The following ASTN1 variants were observed in gnomAD, a reference collection of about 807,000 sequenced individuals.
ASTN1 encodes the protein astrotactin-1.
Under a neutral mutation model 140.7 loss-of-function variants are expected in ASTN1, and 41 were observed. That is an observed-to-expected ratio of 0.29 (90% CI 0.23 to 0.38). The LOEUF (loss-of-function observed/expected upper bound fraction) is 0.38, where lower values mean the gene tolerates loss of function less well. Ranked by LOEUF, ASTN1 falls within the 10% of genes least tolerant of loss-of-function variation. ASTN1 has a pLI of 1.00. For synonymous variants in ASTN1, 640 were observed against 652.2 expected (o/e 0.98, Z 0.29); for missense variants, 1,479 against 1,678.8 (o/e 0.88, Z 2.08).
At chr1:176,958,915 G>A (rs1221902453) in intron 9 of ASTN1, among the ~76,000 whole-genome samples, 1 of 152,076 alleles carries the variant, frequency 6.6e-6, no homozygotes, top group African/African-American at 2.4e-5. Flanking sequence ...CCCTAACAAA[G>A]AAAATAAAGA....
intron 16 of ASTN1, among the ~76,000 whole-genome samples, chr1:176,895,478 T>A (rs532387082): frequency 6.6e-5 from 10 of 152,320 alleles, no homozygotes; most frequent in African/African-American, 2.2e-4. Context: ...GGGATTTGAA[T>A]CCACTTTTGT....
At chr1:177,157,181 A>G (rs1683274594) in intron 1 of ASTN1, among the ~76,000 whole-genome samples, 1 of 152,244 alleles carries the variant, frequency 6.6e-6, no homozygotes, top group Non-Finnish European at 1.5e-5. Flanking sequence ...TTCAATTGTA[A>G]CAAATGTATC....
intron 1 of ASTN1, among the ~76,000 whole-genome samples, chr1:177,068,014 T>C (rs957487372): frequency 3.3e-5 from 5 of 152,192 alleles, no homozygotes; most frequent in African/African-American, 1.2e-4. Flanking sequence ...CAGGACACCC[T>C]GCTCGGCCTG....
intron 15 of ASTN1, 62 bp from the exon 16 acceptor site, chr1:176,934,402 C>T (rs1557971319): frequency 6.8e-7 from 1 of 1,474,208 alleles, no homozygotes; most frequent in South Asian, 1.3e-5. Context: ...TACGGATTCC[C>T]AGGCAATTCA....
At chr1:176,892,192 T>C (rs34875026) in intron 17 of ASTN1, among the ~76,000 whole-genome samples, 1 of 152,114 alleles carries the variant, frequency 6.6e-6, no homozygotes, top group Non-Finnish European at 1.5e-5. Context: ...CTGAGGACAT[T>C]AGATTGTATT....
rs1671948013 is a variant in ASTN1, at chr1:176,946,084, G to C, written c.2091C>G (p.Arg697=). ...AGGTCTCCGTGATGAGTTGGCAAGA[G>C]CGTCCATCCACACCAAGCTTGTAGT... ...IEDYKLGVDG[R]SCQLITETCP... is the part of the protein sequence containing the mutation. Residue 697 remains arginine, a synonymous_variant, in exon 13 of 23, where the codon CGC becomes CGG. Coordinates refer to ENST00000361833, the MANE Select transcript of ASTN1 (RefSeq NM_004319.3). 6.2e-7 allele frequency: 1 copy of C among 1,613,466 alleles called. No individual in the cohort carries two copies. Among genetic ancestry groups the C allele is most frequent in the African/African-American group, 1.3e-5 (1 of 75,046 alleles).
chr1:176,974,862 ACT>A (rs1259125375), intron 8 of ASTN1, among the ~76,000 whole-genome samples: 1 of 152,208 alleles, frequency 6.6e-6, no homozygotes, highest in Non-Finnish European at 1.5e-5. Flanking sequence ...TCACACTTGA[ACT>A]TTTTGTCATC....
At chr1:177,037,740 A>AT (rs1286102444) in intron 2 of ASTN1, among the ~76,000 whole-genome samples, 2 of 152,120 alleles carry the variant, frequency 1.3e-5, no homozygotes, top group African/African-American at 2.4e-5. Context: ...TATTCTATTG[A>AT]TTTTTTTCTC....
chr1:176,875,273 G>C (rs1400527648), intron 21 of ASTN1, among the ~76,000 whole-genome samples: 2 of 152,180 alleles, frequency 1.3e-5, no homozygotes, highest in Admixed American at 6.5e-5. Flanking sequence ...GAGGAAGGCA[G>C]TGAGGCTGGA....
At chr1:177,037,505 T>C (rs1676777623) in intron 2 of ASTN1, among the ~76,000 whole-genome samples, 1 of 152,236 alleles carries the variant, frequency 6.6e-6, no homozygotes. Context: ...GAGTTTCTGT[T>C]TTACCCTAGC....
intron 16 of ASTN1, among the ~76,000 whole-genome samples, chr1:176,932,947 T>C (rs1671269462): frequency 6.6e-6 from 1 of 152,260 alleles, no homozygotes; most frequent in Non-Finnish European, 1.5e-5. Flanking sequence ...CAGCTGGAAC[T>C]GGTAGTATCT....
At chr1:176,951,576 C>A (rs1334243716) in intron 11 of ASTN1, among the ~76,000 whole-genome samples, 1 of 152,232 alleles carries the variant, frequency 6.6e-6, no homozygotes, top group African/African-American at 2.4e-5. Context: ...TAGTTTCCAT[C>A]TTTCCAACCA....
chr1:177,050,904 C>T (rs1377933471), intron 2 of ASTN1, among the ~76,000 whole-genome samples: 1 of 152,098 alleles, frequency 6.6e-6, no homozygotes, highest in Non-Finnish European at 1.5e-5. Context: ...GCATGTCACA[C>T]ATTTCTACTG....
chr1:177,067,705 A>G (rs773404030), intron 1 of ASTN1, among the ~76,000 whole-genome samples: 3 of 152,160 alleles, frequency 2.0e-5, no homozygotes, highest in Non-Finnish European at 4.4e-5. Flanking sequence ...CCCAAGTCTT[A>G]ATGTCTGTGG....
intron 1 of ASTN1, among the ~76,000 whole-genome samples, chr1:177,137,318 C>T (rs1682249792): frequency 6.6e-6 from 1 of 152,156 alleles, no homozygotes; most frequent in Non-Finnish European, 1.5e-5. Flanking sequence ...TTCCAGCCAA[C>T]ATCTCTTCTT....
intron 8 of ASTN1, among the ~76,000 whole-genome samples, chr1:177,003,921 G>A (rs545942280): frequency 3.6e-4 from 54 of 152,094 alleles, no homozygotes; most frequent in African/African-American, 9.4e-4. Context: ...AACAAGACAA[G>A]TATTCCCACT....
At chr1:177,070,825 A>G (rs1053656749) in intron 1 of ASTN1, among the ~76,000 whole-genome samples, 2 of 152,110 alleles carry the variant, frequency 1.3e-5, no homozygotes, top group South Asian at 2.1e-4. Flanking sequence ...GTTTTTCACT[A>G]TCTCAACGTT....
In ASTN1 at chr1:177,029,645, C is replaced by T. The variant is rs1571676776; in HGVS notation, c.1109G>A (p.Arg370Lys). ...TFYTDPSRSR[R>K]RSRVGSPRSP... ...TCTATCATTCCTACCTCTACTACGC[C>T]TCCTGCTCCTTGAAGGATCCGTGTA... The change falls in exon 5 of 23, where the codon AGG (arginine) becomes AAG (lysine). Residue 370 changes from arginine (R) to lysine (K), a missense_variant. By Grantham distance (26) the Arg-to-Lys change is conservative. This residue lies in a region of ASTN1 where 729 missense variants were observed against 860.4 expected (regional missense o/e 0.85). Coordinates refer to ENST00000361833, the MANE Select transcript of ASTN1 (RefSeq NM_004319.3). The T allele has an allele frequency of 6.2e-7, 1 of 1,613,764 alleles. No homozygotes were observed. Among genetic ancestry groups the T allele is most frequent in the Non-Finnish European group, 8.5e-7 (1 of 1,179,886 alleles).
chr1:176,989,639 C>G (rs1355178749), intron 8 of ASTN1, among the ~76,000 whole-genome samples: 2 of 151,972 alleles, frequency 1.3e-5, no homozygotes, highest in Non-Finnish European at 2.9e-5. Context: ...GTTATTCTCC[C>G]TTCCTACAGA....
Sources: gnomAD v4.1 joint callset for allele counts (sites outside exome capture counted in the v4.1 genomes callset) on GRCh38, gnomAD v4.1.1 for gene constraint, gnomAD v4.1.1 regional missense constraint, MANE v1.5 for transcripts, NCBI Gene and HGNC (gene_info 2026-07-23, HGNC 2026-07-21) for gene names.